Variants in SNX27 observed in about 807,000 individuals in gnomAD.
SNX27 encodes the protein sorting nexin-27.
SNX27 carries 22 observed loss-of-function variants against 71.6 expected under a neutral mutation model. The observed-to-expected ratio is 0.31, with a 90% confidence interval of 0.22 to 0.44. SNX27 has a LOEUF of 0.44. Ranked by LOEUF, SNX27 falls within the 20% of genes least tolerant of loss-of-function variation. The pLI is 1.00. For missense variants in SNX27, 531 were observed against 698.6 expected, an observed-to-expected ratio of 0.76 and a Z score of 2.70; for synonymous variants, 269 against 277.2, an observed-to-expected ratio of 0.97 and a Z score of 0.29.
intron 9 of SNX27, 70 bp from the exon 10 acceptor site, chr1:151,692,841 A>G (rs1487217103): frequency 1.2e-5 from 19 of 1,597,428 alleles, no homozygotes; most frequent in Non-Finnish European, 2.6e-6. Flanking sequence ...CTGGTTCAGA[A>G]CCCCCTACCT....
At chr1:151,626,063 C>T (rs1035533023) in intron 1 of SNX27, among the ~76,000 whole-genome samples, 3 of 151,590 alleles carry the variant, frequency 2.0e-5, no homozygotes, top group East Asian at 1.9e-4. Flanking sequence ...CAGGAGGTGT[C>T]GCTTGCAGTG....
intron 2 of SNX27, 57 bp downstream of exon 2, chr1:151,639,176 T>C: frequency 2.0e-6 from 3 of 1,472,938 alleles, no homozygotes; most frequent in Non-Finnish European, 9.3e-7. Context: ...CCTAGTCTTA[T>C]AATTATGAAA....
chr1:151,675,810 C>CTTTCTTTTTTTTT (rs1670665258), intron 7 of SNX27: 2 of 31,480 alleles, frequency 6.4e-5, no homozygotes, highest in Non-Finnish European at 6.0e-5. Context: ...TTCTTTCTTT[C>CTTTCTTTTTTTTT]TTTTTTTTTT....
intron 2 of SNX27, among the ~76,000 whole-genome samples, chr1:151,655,246 G>A (rs1014234805): frequency 5.9e-5 from 9 of 152,016 alleles, no homozygotes; most frequent in African/African-American, 2.2e-4. Context: ...CCTAAAGCAT[G>A]GTCTTTTTGA....
intron 2 of SNX27, among the ~76,000 whole-genome samples, chr1:151,646,724 G>A (rs545959755): frequency 1.5e-4 from 23 of 149,976 alleles, no homozygotes; most frequent in Admixed American, 6.7e-4. Context: ...TTGTCCCCCC[G>A]TCAGATGTTA....
At position 151,639,044 on chromosome 1, in the gene SNX27, T is replaced by C; in HGVS notation, c.468T>C (p.Asp156=). The C allele has an allele frequency of 6.2e-7, 1 of 1,614,170 alleles. No homozygotes were observed. Among genetic ancestry groups the C allele is most frequent in the Non-Finnish European group, 8.5e-7 (1 of 1,180,050 alleles). ...SDDSLGQSFY[D]YTEKQAVPIS... is the part of the protein sequence containing the mutation. ...ACTCGTTGGGACAATCATTTTATGA[T>C]TACACAGAAAAGCAAGCAGTGCCCA... Residue 156 remains aspartate (D), a synonymous_variant, in exon 2 of 12, where the codon GAT becomes GAC. Transcript: ENST00000458013.
chr1:151,691,665 T>A (rs1671456390), intron 8 of SNX27, among the ~76,000 whole-genome samples: 1 of 151,876 alleles, frequency 6.6e-6, no homozygotes, highest in South Asian at 2.1e-4. Flanking sequence ...TATTTGAGGC[T>A]GCAGTGAGAC....
At chr1:151,684,360 G>A (rs1250461855) in intron 8 of SNX27, among the ~76,000 whole-genome samples, 1 of 152,170 alleles carries the variant, frequency 6.6e-6, no homozygotes, top group Non-Finnish European at 1.5e-5. Flanking sequence ...ACAGTGAATA[G>A]CTAGCATATT....
In SNX27 at chr1:151,640,226, T is replaced by G. The variant is rs188546128; in HGVS notation, c.543+1107T>G. On this transcript the variant is annotated intron_variant, in intron 2 of 11. Transcript: ENST00000458013. ...GTTTTATGCTTCCTAAGTGCTAACT[T>G]TGAGTCATAAGGCATGTAAGAAGTT... Among the ~76,000 whole-genome samples the G allele has an allele frequency of 6.0e-4, 92 of 152,296 alleles. 1 individual carries two copies. In the East Asian group the frequency reaches 0.017, roughly 28 times the overall value.
chr1:151,672,181 G>GT (rs1670476821), intron 7 of SNX27, among the ~76,000 whole-genome samples: 2 of 152,166 alleles, frequency 1.3e-5, no homozygotes, highest in Admixed American at 1.3e-4. Context: ...TCTATACCCA[G>GT]TTTTTTGAGG....
At chr1:151,654,378 C>T (rs1287176735) in intron 2 of SNX27, among the ~76,000 whole-genome samples, 1 of 152,080 alleles carries the variant, frequency 6.6e-6, no homozygotes, top group Non-Finnish European at 1.5e-5. Flanking sequence ...CAAACTCGGC[C>T]TTGTATCTGT....
At chr1:151,687,502 A>T (rs1472569831) in intron 8 of SNX27, among the ~76,000 whole-genome samples, 1 of 152,074 alleles carries the variant, frequency 6.6e-6, no homozygotes, top group Admixed American at 6.6e-5. Flanking sequence ...GTTTTGGGAG[A>T]GTTGGCTCTT....
At chr1:151,678,013 T>C (rs1670774551) in intron 7 of SNX27, 1 of 152,166 alleles carries the variant, frequency 6.6e-6, no homozygotes, top group South Asian at 2.1e-4. Context: ...CACAATGTTG[T>C]GTAACAGATC....
chr1:151,660,941 C>A, intron 4 of SNX27, 79 bp downstream of exon 4: 1 of 1,072,058 alleles, frequency 9.3e-7, no homozygotes, highest in Non-Finnish European at 1.5e-6. Flanking sequence ...ATTGATTATG[C>A]ATTAAATTTC....
At chr1:151,646,898 C>CACACACAA (rs1669068755) in intron 2 of SNX27, among the ~76,000 whole-genome samples, 1 of 151,116 alleles carries the variant, frequency 6.6e-6, no homozygotes, top group South Asian at 2.1e-4. Flanking sequence ...CACACACACA[C>CACACACAA]ACACAAACAA....
chr1:151,652,219 G>T, intron 2 of SNX27, among the ~76,000 whole-genome samples: 1 of 114,330 alleles, frequency 8.7e-6, no homozygotes, highest in Non-Finnish European at 1.9e-5. Flanking sequence ...AGAGGGAGAG[G>T]GAGAGGGAGA....
intron 1 of SNX27, among the ~76,000 whole-genome samples, chr1:151,616,843 C>T (rs1242941477): frequency 1.3e-5 from 2 of 152,182 alleles, no homozygotes; most frequent in African/African-American, 4.8e-5. Flanking sequence ...TACAGATTCT[C>T]AGGCTCACCT....
chr1:151,648,218 T>C (rs1219843559), intron 2 of SNX27, among the ~76,000 whole-genome samples: 1 of 151,852 alleles, frequency 6.6e-6, no homozygotes, highest in Non-Finnish European at 1.5e-5. Context: ...CACGCCCAGC[T>C]CATTTTTTGT....
chr1:151,693,065 T>C, intron 10 of SNX27, 26 bp downstream of exon 10: 1 of 1,599,644 alleles, frequency 6.3e-7, no homozygotes, highest in Non-Finnish European at 8.5e-7. Flanking sequence ...GGAAAGTAAC[T>C]GGGACTTAGT....
Sources: allele counts gnomAD v4.1 joint callset (sites outside exome capture counted in the v4.1 genomes callset), GRCh38; gene constraint gnomAD v4.1.1; transcripts MANE v1.5; gene names NCBI Gene and HGNC (gene_info 2026-07-23, HGNC 2026-07-21).